The following CR1L variants were observed in gnomAD, a reference collection of about 807,000 sequenced individuals.
CR1L encodes complement component receptor 1-like protein.
A neutral mutation model predicts 62.3 loss-of-function variants in CR1L; 59 were observed. That is an observed-to-expected ratio of 0.95 (90% CI 0.77 to 1.18). The LOEUF (loss-of-function observed/expected upper bound fraction) is 1.18, where lower values mean the gene tolerates loss of function less well. Among genes scored for constraint, CR1L ranks in the 50% most tolerant of loss-of-function variants. The probability of loss-of-function intolerance (pLI) is 0.00; values close to 1 mark genes in which losing one functional copy is unlikely to be tolerated. For synonymous variants in CR1L, 279 were observed against 248.7 expected (o/e 1.12, Z -1.15); for missense variants, 700 against 702.8 (o/e 1.00, Z 0.04).
chr1:207,701,570 TCA>T lies in CR1L; in HGVS notation c.1283_1284del (p.Thr428ArgfsTer25). 6.2e-7 allele frequency: 1 copy of T among 1,613,842 alleles called. No homozygotes were observed. Among genetic ancestry groups the T allele is most frequent in the South Asian group, 1.1e-5 (1 of 91,086 alleles). On this transcript the variant is annotated frameshift_variant, in exon 9 of 12. Transcript: ENST00000508064. LOFTEE classifies it high-confidence loss of function. Reference sequence around the variant, plus strand: ...CCAGTGAATGGCATGGTGCATGTGATCACAGACATCCATGTTGGATCCAGAAT... The same window carrying T: ...CCAGTGAATGGCATGGTGCATGTGATCAGACATCCATGTTGGATCCAGAAT...
intron 1 of CR1L, among the ~76,000 whole-genome samples, chr1:207,656,645 G>A (rs1558010820): frequency 6.6e-6 from 1 of 152,184 alleles, no homozygotes; most frequent in African/African-American, 2.4e-5. Context: ...AGGCAAAGGG[G>A]GAGCAAGGTG....
chr1:207,723,213 C>T (rs1390954549), intron 11 of CR1L, among the ~76,000 whole-genome samples: 2 of 152,130 alleles, frequency 1.3e-5, no homozygotes, highest in East Asian at 1.9e-4. Flanking sequence ...GGGCAGATCA[C>T]GAGGTCAGGA....
At chr1:207,718,421 C>T (rs1654055873) in intron 11 of CR1L, among the ~76,000 whole-genome samples, 1 of 152,126 alleles carries the variant, frequency 6.6e-6, no homozygotes. Flanking sequence ...AAGGTGTTGA[C>T]TTTTTAATGT....
chr1:207,687,085 C>G lies in CR1L; in HGVS notation c.463+3128C>G, dbSNP rs551517503. Among the ~76,000 whole-genome samples, 104 of 152,360 alleles carry G rather than the reference C, an allele frequency of 6.8e-4. 1 individual carries two copies. The South Asian group carries it at 0.019, about 28-fold the overall frequency. On this transcript the variant is annotated intron_variant, in intron 4 of 11. Transcript: ENST00000508064. The stretch of plus-strand genomic sequence containing the variant: ...AGCACCGCCAATTAATTCCGGAACA[C>G]TTTCATCATCCCATTCCTGTTTTAG...
At chr1:207,667,433 C>A (rs1426637379) in intron 1 of CR1L, among the ~76,000 whole-genome samples, 1 of 152,172 alleles carries the variant, frequency 6.6e-6, no homozygotes, top group South Asian at 2.1e-4. Flanking sequence ...TCATCATTGC[C>A]TTCTGGTCTA....
intron 11 of CR1L, 90 bp from the exon 12 acceptor site, chr1:207,723,528 A>C: frequency 8.9e-7 from 1 of 1,119,594 alleles, no homozygotes; most frequent in Non-Finnish European, 1.3e-6. Context: ...CCTGAATAAA[A>C]ATCAGGATAA....
At chr1:207,701,496 C>T (rs765610129) in intron 8 of CR1L, 23 bp from the exon 9 acceptor site, 2 of 1,613,194 alleles carry the variant, frequency 1.2e-6, no homozygotes, top group Non-Finnish European at 1.7e-6. Context: ...CTACCTGGCT[C>T]CAAAACATTT....
intron 2 of CR1L, among the ~76,000 whole-genome samples, chr1:207,677,865 A>G (rs1054219675): frequency 6.6e-6 from 1 of 152,256 alleles, no homozygotes; most frequent in African/African-American, 2.4e-5. Context: ...TTGGGACAAG[A>G]AAGAGAAGTG....
intron 1 of CR1L, among the ~76,000 whole-genome samples, chr1:207,669,806 C>T (rs1386438320): frequency 6.6e-6 from 1 of 151,234 alleles, no homozygotes; most frequent in Non-Finnish European, 1.5e-5. Context: ...TAAGTCGTGA[C>T]GAGCGCAGTG....
intron 1 of CR1L, among the ~76,000 whole-genome samples, chr1:207,662,463 T>C (rs1437977178): frequency 6.6e-6 from 1 of 152,248 alleles, no homozygotes; most frequent in African/African-American, 2.4e-5. Context: ...TGTGCATTCG[T>C]CACGTAGTTC....
intron 1 of CR1L, among the ~76,000 whole-genome samples, chr1:207,649,972 C>T (rs192551973): frequency 9.2e-5 from 14 of 152,030 alleles, no homozygotes; most frequent in Admixed American, 3.3e-4. Flanking sequence ...ATAGAATAAA[C>T]GGGCATTTCA....
intron 11 of CR1L, among the ~76,000 whole-genome samples, chr1:207,719,827 C>T (rs1654091588): frequency 6.6e-6 from 1 of 151,988 alleles, no homozygotes; most frequent in South Asian, 2.1e-4. Context: ...GGTGTAGAAA[C>T]TGAGACACAG....
At chr1:207,713,964 G>A (rs1333858272) in intron 10 of CR1L, among the ~76,000 whole-genome samples, 1 of 152,188 alleles carries the variant, frequency 6.6e-6, no homozygotes, top group Non-Finnish European at 1.5e-5. Context: ...GCTTCCTGTT[G>A]CATGGAATAA....
rs1013891117 is a variant in CR1L, at chr1:207,710,403, C to G, written c.1414+2140C>G. On this transcript the variant is annotated intron_variant, in intron 10 of 11. Transcript: ENST00000508064. ...CCAGGAATTCCTTGTGGGCTACCCC[C>G]CAACATCACCAATGGATATTTCATT... 1.2e-5 allele frequency: 19 copies of G among 1,535,440 alleles called. No individual in the cohort carries two copies. In the East Asian group the frequency reaches 2.5e-4, roughly 20 times the overall value.
chr1:207,710,820 T>C, intron 10 of CR1L: 1 of 1,486,376 alleles, frequency 6.7e-7, no homozygotes, highest in Admixed American at 1.7e-5. Flanking sequence ...GCCCTGCAAG[T>C]GACATGCATT....
chr1:207,701,627 G>A lies in CR1L; in HGVS notation c.1328+9G>A. The A allele has an allele frequency of 1.9e-6, 3 of 1,613,568 alleles. No individual in the cohort carries two copies. In the South Asian group the frequency reaches 3.3e-5, roughly 18 times the overall value. The stretch of plus-strand genomic sequence containing the variant: ...TATTCTTGTACTACAGGGTGAGTTG[G>A]CAGCAACATCTCTTGGTTCCAGAGT... On this transcript the variant is annotated intron_variant, in intron 9 of 11. Coordinates refer to ENST00000508064, the MANE Select transcript of CR1L (RefSeq NM_175710.2).
chr1:207,660,890 A>G (rs932329722), intron 1 of CR1L, among the ~76,000 whole-genome samples: 9 of 152,062 alleles, frequency 5.9e-5, no homozygotes, highest in Non-Finnish European at 1.0e-4. Context: ...TTCTGCTTTC[A>G]TTTCGTTATG....
intron 3 of CR1L, among the ~76,000 whole-genome samples, chr1:207,678,996 CTTTT>C (rs34807467): frequency 0.019 from 2,502 of 131,146 alleles, 65 homozygotes; most frequent in African/African-American, 0.065. Context: ...GTCCAAAGTT[CTTTT>C]TTTTTTTTTT....
At chr1:207,719,273 C>T (rs199645494) in intron 11 of CR1L, among the ~76,000 whole-genome samples, 7 of 95,426 alleles carry the variant, frequency 7.3e-5, no homozygotes, top group African/African-American at 2.0e-4. Context: ...AAAAAAAAAA[C>T]ATTAAAAAAA....
Sources: allele counts gnomAD v4.1 joint callset (sites outside exome capture counted in the v4.1 genomes callset), GRCh38; gene constraint gnomAD v4.1.1; transcripts MANE v1.5; gene names NCBI Gene and HGNC (gene_info 2026-07-23, HGNC 2026-07-21).